Variants in VIPAS39 observed in about 807,000 individuals in gnomAD.
VIPAS39 encodes the protein spermatogenesis-defective protein 39 homolog.
In VIPAS39, 63 loss-of-function variants were observed where a neutral mutation model predicts 84.7. The ratio of observed to expected loss-of-function variants is 0.74; its 90% CI spans 0.61 to 0.92. The LOEUF is 0.92. Among genes scored for constraint, VIPAS39 ranks in the 40% least tolerant of loss-of-function variants. The pLI is 0.00. For synonymous variants in VIPAS39, 192 were observed against 216.5 expected, an observed-to-expected ratio of 0.89 and a Z score of 0.99; for missense variants, 499 against 604.5, an observed-to-expected ratio of 0.83 and a Z score of 1.83.
At position 77,438,603 on chromosome 14, in the gene VIPAS39, T is replaced by C. The variant is rs142435860; in HGVS notation, c.763-722A>G. Among the ~76,000 whole-genome samples, 683 of 152,344 alleles carry C rather than the reference T, an allele frequency of 4.5e-3. 2 individuals are homozygous for C. Among genetic ancestry groups the C allele is most frequent in the Admixed American group, 7.7e-3 (118 of 15,292 alleles). On this transcript the variant is annotated intron_variant, in intron 11 of 19. Coordinates refer to ENST00000557658, the MANE Select transcript of VIPAS39 (RefSeq NM_001193315.2). ...GACCTATAATGAAGCACTGAGTAGA[T>C]AGAGTACCAAGCTTTACCTTTAAGT...
chr14:77,427,094 G>A lies in VIPAS39; in HGVS notation c.*522C>T, dbSNP rs1023660917. The A allele has an allele frequency of 1.3e-5, 2 of 159,900 alleles. No individual in the cohort carries two copies. The highest frequency in any genetic ancestry group is 4.8e-5 in the African/African-American group (2 of 41,524). The allele number at this position is 159,900 out of a possible 1,614,324, so 9.9% of individuals were successfully genotyped here. On this transcript the variant is annotated 3_prime_UTR_variant, in exon 20 of 20. Coordinates refer to ENST00000557658, the MANE Select transcript of VIPAS39 (RefSeq NM_001193315.2). The stretch of plus-strand genomic sequence containing the variant: ...GAAACACAACGTCTAGGCCATGTGT[G>A]GCATAATGTGGAGGGGTCTGTGCAG...
In VIPAS39 at chr14:77,449,052, T is replaced by C. The variant is rs117186789; in HGVS notation, c.447+241A>G. 7.0e-3 allele frequency among the ~76,000 whole-genome samples: 1,059 copies of C among 152,264 alleles called. 19 individuals are homozygous for C. The highest frequency in any genetic ancestry group is 0.037 in the South Asian group (177 of 4,824). ...AAAGTACAGCCTTCAAGTGGGAGCA[T>C]AATGAGTAAGCAAAGTATGGCAGAG... On this transcript the variant is annotated intron_variant, in intron 6 of 19. Coordinates refer to ENST00000557658, the MANE Select transcript of VIPAS39 (RefSeq NM_001193315.2).
At chr14:77,442,995 G>T in intron 9 of VIPAS39, 124 bp downstream of exon 9, 2 of 1,318,654 alleles carry the variant, frequency 1.5e-6, no homozygotes, top group Non-Finnish European at 2.2e-6. Context: ...GAAGTCTCAG[G>T]CCACCCCACT....
rs1351283314 is a variant in VIPAS39, at chr14:77,427,454, A to G, written c.*162T>C. The G allele has an allele frequency of 1.2e-5, 9 of 769,358 alleles. No homozygotes were observed. Among genetic ancestry groups the G allele is most frequent in the Non-Finnish European group, 2.0e-5 (9 of 455,966 alleles). The allele number at this position is 769,358 out of a possible 1,614,324, so 47.7% of individuals were successfully genotyped here. ...GATCCTCAGATGATGTTCCTTGGAC[A>G]GAAGATCAGTCTGAAGTTATCTGTG... is the stretch of plus-strand genomic sequence containing the variant. On this transcript the variant is annotated 3_prime_UTR_variant, in exon 20 of 20. Transcript: ENST00000557658.
intron 10 of VIPAS39, among the ~76,000 whole-genome samples, chr14:77,441,402 T>C (rs2078701722): frequency 6.6e-6 from 1 of 152,158 alleles, no homozygotes; most frequent in South Asian, 2.1e-4. Context: ...TAAAGCACTA[T>C]TCTCTGTCAA....
Position 77,427,441 on chromosome 14 carries a change from A to G in VIPAS39, c.*175T>C. On this transcript the variant is annotated 3_prime_UTR_variant, in exon 20 of 20. Coordinates refer to ENST00000557658, the MANE Select transcript of VIPAS39 (RefSeq NM_001193315.2). ...AGCTTTAGATCTCGATCCTCAGATG[A>G]TGTTCCTTGGACAGAAGATCAGTCT... The G allele has an allele frequency of 1.4e-6, 1 of 691,930 alleles. No homozygotes were observed. 42.9% of individuals were successfully genotyped at this position (691,930 alleles called of 1,614,324 possible).
chr14:77,457,328 A>C, intron 1 of VIPAS39, 167 bp downstream of exon 1: 1 of 1,535,728 alleles, frequency 6.5e-7, no homozygotes, highest in Non-Finnish European at 8.7e-7. Flanking sequence ...TCGCAGCCCC[A>C]GTCCCAAGCG....
rs757272721 is a variant in VIPAS39, at chr14:77,453,280, T to G, written c.196+19A>C. On this transcript the variant is annotated intron_variant, in intron 3 of 19. Transcript: ENST00000557658. The stretch of plus-strand genomic sequence containing the variant: ...AGAATCCTCAACATCTATCCCTGCC[T>G]AGGGACTCTTCTACTTACTTCCCAC... 7 of 1,611,160 alleles carry G rather than the reference T, an allele frequency of 4.3e-6. No individual in the cohort carries two copies. The East Asian group carries it at 1.6e-4, about 36-fold the overall frequency.
chr14:77,437,992 A>G (rs1186922869), intron 11 of VIPAS39, 111 bp from the exon 12 acceptor site: 5 of 1,073,878 alleles, frequency 4.7e-6, no homozygotes, highest in Admixed American at 3.9e-5. Context: ...ATTTCTGGGT[A>G]TAGATGGTTA....
In VIPAS39 at chr14:77,457,286, T is replaced by C. The variant is rs766420875; in HGVS notation, c.-1+209A>G. The C allele has an allele frequency of 2.8e-5, 43 of 1,535,512 alleles. No individual in the cohort carries two copies. In the South Asian group the frequency reaches 4.6e-4, roughly 17 times the overall value. ...AGTTAAATGCTCGTTCTGAACCAAATGTCCGCTTCCGAACCAATCGCTGGT... is the reference window on the plus strand; with the variant it reads ...AGTTAAATGCTCGTTCTGAACCAAACGTCCGCTTCCGAACCAATCGCTGGT... On this transcript the variant is annotated intron_variant, in intron 1 of 19. Transcript: ENST00000557658.
chr14:77,447,868 G>T (rs1247298108), intron 7 of VIPAS39, among the ~76,000 whole-genome samples: 2 of 150,996 alleles, frequency 1.3e-5, no homozygotes, highest in Admixed American at 1.3e-4. Flanking sequence ...CACCATGTTG[G>T]CCAGGCTGGT....
chr14:77,442,884 G>A (rs1396895926), intron 9 of VIPAS39, among the ~76,000 whole-genome samples: 1 of 152,124 alleles, frequency 6.6e-6, no homozygotes, highest in Non-Finnish European at 1.5e-5. Flanking sequence ...CACTTAGCAT[G>A]GACTCTGACT....
chr14:77,428,329 G>A, intron 19 of VIPAS39, 41 bp downstream of exon 19: 1 of 1,570,776 alleles, frequency 6.4e-7, no homozygotes, highest in Non-Finnish European at 8.8e-7. Flanking sequence ...TGAACTGTCT[G>A]TCTCCTGAGC....
rs537368537 is a variant in VIPAS39 at position 77,439,944 on chromosome 14, G to A, written c.762+1122C>T. Among the ~76,000 whole-genome samples the A allele has an allele frequency of 8.5e-5, 13 of 152,272 alleles. No homozygotes were observed. The South Asian group carries it at 2.5e-3, about 29-fold the overall frequency. On this transcript the variant is annotated intron_variant, in intron 11 of 19. Coordinates refer to ENST00000557658, the MANE Select transcript of VIPAS39 (RefSeq NM_001193315.2). ...AGTGCTGAGAAATTCTTTGAGACAAGGTCTCATTCTTTCACCCAGACATGA... is the reference window on the plus strand; with the variant it reads ...AGTGCTGAGAAATTCTTTGAGACAAAGTCTCATTCTTTCACCCAGACATGA...
intron 7 of VIPAS39, 107 bp downstream of exon 7, chr14:77,448,387 T>G: frequency 1.7e-6 from 2 of 1,161,320 alleles, no homozygotes; most frequent in East Asian, 2.3e-5. Context: ...ATTTTCCCCC[T>G]GAAATTCATT....
At chr14:77,442,864 A>G (rs2078724423) in intron 9 of VIPAS39, among the ~76,000 whole-genome samples, 2 of 152,186 alleles carry the variant, frequency 1.3e-5, no homozygotes, top group East Asian at 3.9e-4. Context: ...ACACCAACCC[A>G]AACAGCAGGC....
intron 5 of VIPAS39, 125 bp downstream of exon 5, chr14:77,449,589 T>C: frequency 7.2e-7 from 1 of 1,388,864 alleles, no homozygotes; most frequent in Non-Finnish European, 1.0e-6. Context: ...ATTCCTCTAA[T>C]AATGACAGTA....
chr14:77,451,577 T>C, intron 3 of VIPAS39, among the ~76,000 whole-genome samples: 1 of 152,072 alleles, frequency 6.6e-6, no homozygotes, highest in Non-Finnish European at 1.5e-5. Context: ...CCTTACTCTT[T>C]TTTCTCTTTT....
At chr14:77,445,809 C>T (rs2078778999) in intron 7 of VIPAS39, among the ~76,000 whole-genome samples, 1 of 151,920 alleles carries the variant, frequency 6.6e-6, no homozygotes, top group South Asian at 2.1e-4. Flanking sequence ...CATGGTGGCA[C>T]ACACCTGTTA....
Sources: allele counts gnomAD v4.1 joint callset (sites outside exome capture counted in the v4.1 genomes callset), GRCh38; gene constraint gnomAD v4.1.1; transcripts MANE v1.5; gene names NCBI Gene and HGNC (gene_info 2026-07-23, HGNC 2026-07-21).